Variants in USH2A observed in about 807,000 individuals in gnomAD.
USH2A encodes Usher syndrome 2A (autosomal recessive, mild).
A neutral mutation model predicts 538.9 loss-of-function variants in USH2A; 443 were observed. That is an observed-to-expected ratio of 0.82 (90% CI 0.76 to 0.89). The LOEUF (loss-of-function observed/expected upper bound fraction) is 0.89, where lower values mean the gene tolerates loss of function less well. Ranked by LOEUF, USH2A falls within the 40% of genes least tolerant of loss-of-function variation. The pLI, the probability that USH2A is intolerant of heterozygous loss-of-function variation, is 0.00. For missense variants in USH2A, 6,633 were observed against 6,324.8 expected (o/e 1.05, Z -1.65); for synonymous variants, 2,413 against 2,273.5 (o/e 1.06, Z -1.75).
chr1:215,854,607 C>G (rs566850658), intron 44 of USH2A, among the ~76,000 whole-genome samples: 1 of 152,336 alleles, frequency 6.6e-6, no homozygotes, highest in African/African-American at 2.4e-5. Context: ...GCTCTCTCTT[C>G]TGCAGAGAAA....
intron 8 of USH2A, 117 bp downstream of exon 8, chr1:216,323,357 G>C: frequency 1.1e-6 from 1 of 938,370 alleles, no homozygotes; most frequent in South Asian, 1.4e-5. Context: ...AAATCTTAGA[G>C]TATGAAATCA....
At chr1:215,764,662 T>A (rs1198888072) in intron 56 of USH2A, among the ~76,000 whole-genome samples, 4 of 152,148 alleles carry the variant, frequency 2.6e-5, no homozygotes, top group Non-Finnish European at 5.9e-5. Context: ...CTTAAAATAC[T>A]CAAATATGAG....
chr1:215,890,483 A>G (rs1273311573), intron 40 of USH2A, among the ~76,000 whole-genome samples: 1 of 152,200 alleles, frequency 6.6e-6, no homozygotes, highest in East Asian at 1.9e-4. Context: ...TTTTCGAAGC[A>G]AAAGATGTTA....
intron 13 of USH2A, among the ~76,000 whole-genome samples, chr1:216,243,363 A>G (rs1377781384): frequency 6.6e-6 from 1 of 152,218 alleles, no homozygotes; most frequent in Non-Finnish European, 1.5e-5. Flanking sequence ...GAAGTTGACT[A>G]ATGTTCTGCC....
At chr1:215,823,930 A>G (rs1191785242) in intron 47 of USH2A, among the ~76,000 whole-genome samples, 1 of 151,956 alleles carries the variant, frequency 6.6e-6, no homozygotes, top group African/African-American at 2.4e-5. Context: ...AAATGTCTGA[A>G]TTTATCTTAT....
chr1:216,250,111 A>G (rs1418243203), intron 12 of USH2A, among the ~76,000 whole-genome samples: 1 of 152,166 alleles, frequency 6.6e-6, no homozygotes, highest in Non-Finnish European at 1.5e-5. Flanking sequence ...TCAAAATTTC[A>G]AAGTGCATTA....
chr1:215,940,255 A>C (rs1666601855), intron 37 of USH2A, among the ~76,000 whole-genome samples: 1 of 152,052 alleles, frequency 6.6e-6, no homozygotes, highest in Non-Finnish European at 1.5e-5. Context: ...TTAAGGTCTC[A>C]ATTTTAGAGT....
At chr1:215,751,625 T>A (rs1660625742) in intron 58 of USH2A, among the ~76,000 whole-genome samples, 1 of 152,150 alleles carries the variant, frequency 6.6e-6, no homozygotes, top group African/African-American at 2.4e-5. Context: ...TGCTATTTAA[T>A]TTTCCATAAT....
At chr1:216,018,706 A>G (rs1668774795) in intron 32 of USH2A, among the ~76,000 whole-genome samples, 1 of 152,186 alleles carries the variant, frequency 6.6e-6, no homozygotes, top group African/African-American at 2.4e-5. Context: ...GCATTATGTG[A>G]AAGAGCTCTT....
At chr1:215,976,277 C>T (rs1301363166) in intron 35 of USH2A, among the ~76,000 whole-genome samples, 1 of 152,146 alleles carries the variant, frequency 6.6e-6, no homozygotes, top group Non-Finnish European at 1.5e-5. Context: ...TTTACTTCTT[C>T]TTTTCCTAGT....
intron 33 of USH2A, among the ~76,000 whole-genome samples, 182 bp downstream of exon 33, chr1:216,000,221 A>C (rs2102482976): frequency 6.6e-6 from 1 of 152,308 alleles, no homozygotes; most frequent in Admixed American, 6.5e-5. Flanking sequence ...CTGATTGCAT[A>C]AAGACAAAAT....
At position 215,694,898 on chromosome 1, in the gene USH2A, A is replaced by G. The variant is rs1392258070; in HGVS notation, c.12067-14522T>C. Reference sequence around the variant, plus strand: ...CTCAAGAGAAAAATTCAGCACTCATATAGCAAAATCATACTTAATGATAAA... The same window carrying G: ...CTCAAGAGAAAAATTCAGCACTCATGTAGCAAAATCATACTTAATGATAAA... On this transcript the variant is annotated intron_variant, in intron 61 of 71. Coordinates refer to ENST00000307340, the MANE Select transcript of USH2A (RefSeq NM_206933.4). Among the ~76,000 whole-genome samples, 2 of 152,246 alleles carry G rather than the reference A, an allele frequency of 1.3e-5. 1 individual carries two copies. The highest frequency in any genetic ancestry group is 4.8e-5 in the African/African-American group (2 of 41,470).
chr1:216,359,366 A>G (rs924442485), intron 4 of USH2A, among the ~76,000 whole-genome samples: 1 of 152,140 alleles, frequency 6.6e-6, no homozygotes, highest in African/African-American at 2.4e-5. Context: ...TATTCTAAAC[A>G]TACATCATCT....
chr1:216,268,638 C>T (rs2036519673), intron 11 of USH2A, among the ~76,000 whole-genome samples: 1 of 152,086 alleles, frequency 6.6e-6, no homozygotes, highest in East Asian at 1.9e-4. Flanking sequence ...CACAAGGATC[C>T]CGTAGGCTTG....
chr1:215,666,563 G>T (rs1485850460), intron 64 of USH2A, among the ~76,000 whole-genome samples: 1 of 152,136 alleles, frequency 6.6e-6, no homozygotes, highest in Non-Finnish European at 1.5e-5. Context: ...GAATCGCAGG[G>T]ATTCCAGAAC....
chr1:215,949,272 C>T (rs1458255227), intron 37 of USH2A, among the ~76,000 whole-genome samples: 1 of 151,918 alleles, frequency 6.6e-6, no homozygotes, highest in African/African-American at 2.4e-5. Flanking sequence ...AATAACAAAA[C>T]TTTAATGGAG....
intron 44 of USH2A, among the ~76,000 whole-genome samples, chr1:215,859,230 A>G (rs1446781494): frequency 1.3e-5 from 2 of 152,104 alleles, no homozygotes; most frequent in African/African-American, 2.4e-5. Flanking sequence ...TCAACCAAAC[A>G]AGAATTGAAA....
At chr1:215,995,833 C>A (rs1029200335) in intron 34 of USH2A, among the ~76,000 whole-genome samples, 2 of 152,018 alleles carry the variant, frequency 1.3e-5, no homozygotes, top group African/African-American at 4.8e-5. Flanking sequence ...AATTTTGGTA[C>A]AATAAAATGC....
At chr1:216,069,132 G>T (rs989548837) in intron 30 of USH2A, among the ~76,000 whole-genome samples, 3 of 152,116 alleles carry the variant, frequency 2.0e-5, no homozygotes, top group Non-Finnish European at 4.4e-5. Flanking sequence ...TAAACTACTT[G>T]GTATTTTCCA....
Sources: gnomAD v4.1 joint callset for allele counts (sites outside exome capture counted in the v4.1 genomes callset) on GRCh38, gnomAD v4.1.1 for gene constraint, MANE v1.5 for transcripts, NCBI Gene and HGNC (gene_info 2026-07-23, HGNC 2026-07-21) for gene names.